Variants in ADAMTS12 observed in about 807,000 individuals in gnomAD.
ADAMTS12 encodes the protein A disintegrin and metalloproteinase with thrombospondin motifs 12.
A neutral mutation model predicts 167.8 loss-of-function variants in ADAMTS12; 118 were observed. That is an observed-to-expected ratio of 0.70 (90% confidence interval 0.61 to 0.82). The LOEUF is 0.82. Ranked by LOEUF, ADAMTS12 falls within the 40% of genes least tolerant of loss-of-function variation. ADAMTS12 has a pLI of 0.00. For missense variants in ADAMTS12, 1,916 were observed against 1,998.8 expected (o/e 0.96, Z 0.79); for synonymous variants, 704 against 716.9 (o/e 0.98, Z 0.29).
intron 19 of ADAMTS12, among the ~76,000 whole-genome samples, chr5:33,569,079 C>T (rs2111923960): frequency 6.6e-6 from 1 of 152,378 alleles, no homozygotes; most frequent in African/African-American, 2.4e-5. Context: ...CTTAGGTAAA[C>T]AAAGCAGCCA....
intron 2 of ADAMTS12, among the ~76,000 whole-genome samples, chr5:33,787,661 T>C (rs1267286723): frequency 2.0e-5 from 3 of 152,272 alleles, no homozygotes; most frequent in South Asian, 4.1e-4. Context: ...TACCTGTCCA[T>C]AGCAGGCCAT....
chr5:33,750,603 GT>G (rs1356668206), intron 3 of ADAMTS12, among the ~76,000 whole-genome samples: 1 of 152,052 alleles, frequency 6.6e-6, no homozygotes, highest in Non-Finnish European at 1.5e-5. Context: ...CTCTGGCATT[GT>G]TTTTTTCTCT....
intron 14 of ADAMTS12, 152 bp from the exon 15 acceptor site, chr5:33,616,224 TG>T (rs1274428805): frequency 9.4e-7 from 1 of 1,062,130 alleles, no homozygotes; most frequent in Non-Finnish European, 1.3e-6. Flanking sequence ...GCACTACTTA[TG>T]GGGGATTTTC....
intron 16 of ADAMTS12, among the ~76,000 whole-genome samples, chr5:33,604,505 A>AT (rs1474281367): frequency 1.0e-5 from 1 of 97,624 alleles, no homozygotes; most frequent in East Asian, 5.6e-4. Flanking sequence ...CCATCTCAAA[A>AT]TTAAAAAAAA....
In ADAMTS12 at chr5:33,546,212, A is replaced by C; in HGVS notation, c.4303-10T>G. The C allele has an allele frequency of 6.2e-7, 1 of 1,600,928 alleles. No homozygotes were observed. Among genetic ancestry groups the C allele is most frequent in the Non-Finnish European group, 8.5e-7 (1 of 1,174,468 alleles). Reference sequence around the variant, plus strand: ...CACAGGACCTGGAGCACTGATACACAGCAGTGACAAGATTAGGTAAAAGTC... The same window carrying C: ...CACAGGACCTGGAGCACTGATACACCGCAGTGACAAGATTAGGTAAAAGTC... On this transcript the variant is annotated splice_polypyrimidine_tract_variant and intron_variant, in intron 21 of 23. Transcript: ENST00000504830.
intron 3 of ADAMTS12, among the ~76,000 whole-genome samples, chr5:33,685,116 A>T (rs1259055236): frequency 6.6e-6 from 1 of 152,200 alleles, no homozygotes; most frequent in East Asian, 1.9e-4. Flanking sequence ...TCACAGCCAC[A>T]AACACTTCCT....
intron 2 of ADAMTS12, among the ~76,000 whole-genome samples, chr5:33,835,915 C>A (rs1748491425): frequency 2.2e-5 from 1 of 45,818 alleles, no homozygotes. Flanking sequence ...CCATCTCTCT[C>A]TCTCTCTCTC....
intron 11 of ADAMTS12, among the ~76,000 whole-genome samples, chr5:33,638,561 A>G (rs149739008): frequency 3.4e-4 from 52 of 152,312 alleles, no homozygotes; most frequent in African/African-American, 1.2e-3. Context: ...TCATGCTTGA[A>G]GAACTAAATA....
At chr5:33,732,530 G>C (rs1360130572) in intron 3 of ADAMTS12, among the ~76,000 whole-genome samples, 2 of 152,074 alleles carry the variant, frequency 1.3e-5, no homozygotes, top group Non-Finnish European at 2.9e-5. Flanking sequence ...ATTATCAGTG[G>C]TTCAAAATCT....
chr5:33,614,544 T>C (rs1024279875), intron 15 of ADAMTS12, among the ~76,000 whole-genome samples, 168 bp from the exon 16 acceptor site: 1 of 152,230 alleles, frequency 6.6e-6, no homozygotes, highest in Non-Finnish European at 1.5e-5. Context: ...TGTCTATACC[T>C]ATGTCTGTGT....
chr5:33,554,699 A>G (rs555309083), intron 20 of ADAMTS12, among the ~76,000 whole-genome samples: 25 of 152,334 alleles, frequency 1.6e-4, no homozygotes, highest in Non-Finnish European at 2.5e-4. Context: ...GTCTGTATTT[A>G]GCAAAACAAA....
At chr5:33,721,659 C>T (rs970265458) in intron 3 of ADAMTS12, among the ~76,000 whole-genome samples, 2 of 152,204 alleles carry the variant, frequency 1.3e-5, no homozygotes, top group African/African-American at 4.8e-5. Context: ...ACGCTTGCCC[C>T]GAGCCTTTCC....
At chr5:33,783,710 G>A (rs1746228467) in intron 2 of ADAMTS12, among the ~76,000 whole-genome samples, 1 of 151,722 alleles carries the variant, frequency 6.6e-6, no homozygotes, top group Non-Finnish European at 1.5e-5. Context: ...AACCAAATCA[G>A]TAATTAAAAA....
intron 12 of ADAMTS12, among the ~76,000 whole-genome samples, chr5:33,636,836 T>A (rs141490622): frequency 6.6e-6 from 1 of 152,306 alleles, no homozygotes; most frequent in East Asian, 1.9e-4. Flanking sequence ...TAACGGTCAT[T>A]GATTCTTCTT....
intron 2 of ADAMTS12, among the ~76,000 whole-genome samples, chr5:33,791,776 T>TC (rs1260503598): frequency 1.3e-5 from 2 of 151,796 alleles, no homozygotes; most frequent in Non-Finnish European, 2.9e-5. Flanking sequence ...TTTTCTTTTT[T>TC]TTTTTTTGGC....
At chr5:33,528,386 A>G (rs1210987579) in intron 23 of ADAMTS12, among the ~76,000 whole-genome samples, 1 of 152,180 alleles carries the variant, frequency 6.6e-6, no homozygotes, top group African/African-American at 2.4e-5. Flanking sequence ...AGTTTTGGTT[A>G]TCCCCCACAA....
chr5:33,625,168 C>G (rs1739524342), intron 13 of ADAMTS12, among the ~76,000 whole-genome samples: 1 of 152,070 alleles, frequency 6.6e-6, no homozygotes, highest in Admixed American at 6.5e-5. Flanking sequence ...CACCCTCTAC[C>G]AGCTAAACAG....
chr5:33,780,150 A>G (rs1746073119), intron 2 of ADAMTS12, among the ~76,000 whole-genome samples: 1 of 152,200 alleles, frequency 6.6e-6, no homozygotes, highest in Admixed American at 6.5e-5. Flanking sequence ...AAACCAACCA[A>G]GAAGTCTGTT....
chr5:33,660,462 C>T (rs1034984774), intron 6 of ADAMTS12, among the ~76,000 whole-genome samples: 2 of 152,132 alleles, frequency 1.3e-5, no homozygotes, highest in African/African-American at 4.8e-5. Flanking sequence ...TAGCACAGTG[C>T]CTGGTCCATA....
Sources: allele counts gnomAD v4.1 joint callset (sites outside exome capture counted in the v4.1 genomes callset), GRCh38; gene constraint gnomAD v4.1.1; transcripts MANE v1.5; gene names NCBI Gene and HGNC (gene_info 2026-07-23, HGNC 2026-07-21).